The following SGCZ variants were observed in gnomAD, a reference collection of about 807,000 sequenced individuals.
SGCZ encodes zeta-sarcoglycan.
A neutral mutation model predicts 41.3 loss-of-function variants in SGCZ; 40 were observed. The ratio of observed to expected loss-of-function variants is 0.97; its 90% CI spans 0.75 to 1.26. The LOEUF is 1.26. SGCZ is among the 50% of genes most tolerant of loss of function. SGCZ has a pLI of 0.00. For missense variants in SGCZ, 552 were observed against 369.8 expected, an observed-to-expected ratio of 1.49 and a Z score of -4.04; for synonymous variants, 206 against 137.5, an observed-to-expected ratio of 1.50 and a Z score of -3.49.
At chr8:14,537,805 T>C (rs1803342620) in intron 2 of SGCZ, among the ~76,000 whole-genome samples, 1 of 151,958 alleles carries the variant, frequency 6.6e-6, no homozygotes, top group Non-Finnish European at 1.5e-5. Flanking sequence ...AAAGAGCTGT[T>C]ATACTTTCTA....
chr8:14,545,495 CT>C (rs1803598453), intron 2 of SGCZ, among the ~76,000 whole-genome samples: 1 of 150,794 alleles, frequency 6.6e-6, no homozygotes, highest in South Asian at 2.1e-4. Context: ...ACTTAAAATT[CT>C]TTTTCTAAAT....
In SGCZ at chr8:14,156,568, G is replaced by T. The variant is rs1803882165; in HGVS notation, c.547+8012C>A. ...ATTATGTAATTTTTAAAAACTTTTT[G>T]ACTCTTTTGCAAACACTTGGTTTAA... On this transcript the variant is annotated intron_variant, in intron 5 of 7. Transcript: ENST00000382080. Among the ~76,000 whole-genome samples, 4 of 152,088 alleles carry T rather than the reference G, an allele frequency of 2.6e-5. No individual in the cohort carries two copies. In the South Asian group the frequency reaches 8.3e-4, roughly 32 times the overall value.
At chr8:14,934,301 T>C (rs1480698) in intron 1 of SGCZ, among the ~76,000 whole-genome samples, 2 of 151,812 alleles carry the variant, frequency 1.3e-5, no homozygotes, top group South Asian at 2.1e-4. Context: ...GACTACTGTA[T>C]ATAAAATATA....
chr8:14,603,705 T>C (rs1485888124), intron 1 of SGCZ, among the ~76,000 whole-genome samples: 2 of 152,194 alleles, frequency 1.3e-5, no homozygotes, highest in East Asian at 3.8e-4. Flanking sequence ...TGATAGCAGT[T>C]ATCTGTTGTT....
intron 1 of SGCZ, among the ~76,000 whole-genome samples, chr8:14,998,642 G>T (rs1162163350): frequency 6.6e-6 from 1 of 152,174 alleles, no homozygotes; most frequent in African/African-American, 2.4e-5. Context: ...AAAGCAAGAA[G>T]AGGAATTTTA....
intron 1 of SGCZ, among the ~76,000 whole-genome samples, chr8:15,141,943 T>C (rs1233480809): frequency 6.6e-6 from 1 of 150,568 alleles, no homozygotes; most frequent in Non-Finnish European, 1.5e-5. Flanking sequence ...AAAAGATCTG[T>C]CAAATGCAGA....
At chr8:15,216,664 G>A (rs139428028) in intron 1 of SGCZ, among the ~76,000 whole-genome samples, 1 of 152,106 alleles carries the variant, frequency 6.6e-6, no homozygotes, top group Non-Finnish European at 1.5e-5. Context: ...AATATGGAAA[G>A]CATCTTGTTA....
intron 1 of SGCZ, among the ~76,000 whole-genome samples, chr8:15,052,884 A>G (rs1804565533): frequency 6.6e-6 from 1 of 152,134 alleles, no homozygotes. Flanking sequence ...TTGACCTAAT[A>G]TATTTATTCT....
chr8:15,203,911 G>A lies in SGCZ; in HGVS notation c.39+33674C>T, dbSNP rs528183547. ...TTTATTCTACTTTATGTGTTATATA[G>A]CTTTTGCCTCAAAACTAGTTTTTCT... On this transcript the variant is annotated intron_variant, in intron 1 of 7. Coordinates refer to ENST00000382080, the MANE Select transcript of SGCZ (RefSeq NM_139167.4). 1.5e-3 allele frequency among the ~76,000 whole-genome samples: 225 copies of A among 152,172 alleles called. 1 individual carries two copies. The highest frequency in any genetic ancestry group is 5.4e-3 in the African/African-American group (224 of 41,532).
intron 1 of SGCZ, among the ~76,000 whole-genome samples, chr8:14,832,109 C>G (rs1255837974): frequency 1.4e-4 from 21 of 152,042 alleles, no homozygotes; most frequent in Admixed American, 1.4e-3. Flanking sequence ...AATAGCAATG[C>G]CTTCTTAAGT....
At chr8:14,390,774 T>C (rs1804742791) in intron 2 of SGCZ, among the ~76,000 whole-genome samples, 1 of 152,064 alleles carries the variant, frequency 6.6e-6, no homozygotes, top group Non-Finnish European at 1.5e-5. Context: ...ATTGGCAGTA[T>C]ATTAGCAAAA....
At chr8:14,318,344 CA>C (rs768679288) in intron 3 of SGCZ, among the ~76,000 whole-genome samples, 4 of 151,872 alleles carry the variant, frequency 2.6e-5, no homozygotes, top group Admixed American at 6.6e-5. Flanking sequence ...CACGCTTTAA[CA>C]ATTACTTCTT....
intron 1 of SGCZ, among the ~76,000 whole-genome samples, chr8:14,936,389 T>C (rs1182469959): frequency 1.3e-5 from 2 of 151,936 alleles, no homozygotes; most frequent in Admixed American, 1.3e-4. Context: ...TTAGGCAAAA[T>C]CATGTAATAC....
chr8:14,974,501 C>T (rs1043701418), intron 1 of SGCZ, among the ~76,000 whole-genome samples: 1 of 152,130 alleles, frequency 6.6e-6, no homozygotes, highest in African/African-American at 2.4e-5. Context: ...CTTAGTGATT[C>T]CCAAACTGGC....
intron 1 of SGCZ, among the ~76,000 whole-genome samples, chr8:14,628,384 G>A (rs1806533820): frequency 6.6e-6 from 1 of 151,944 alleles, no homozygotes; most frequent in Admixed American, 6.6e-5. Context: ...GTGTTCTCCT[G>A]TTTCACCTAG....
At chr8:14,113,791 T>C (rs551101738) in intron 5 of SGCZ, among the ~76,000 whole-genome samples, 2 of 152,210 alleles carry the variant, frequency 1.3e-5, no homozygotes, top group South Asian at 2.1e-4. Flanking sequence ...CCAGTGTCTG[T>C]AGAAGTCAAG....
intron 5 of SGCZ, among the ~76,000 whole-genome samples, chr8:14,122,843 G>C (rs11988202): frequency 0.14 from 21,390 of 152,000 alleles, 1,546 homozygotes; most frequent in African/African-American, 0.18. Context: ...ACATCTTAAA[G>C]GTTTCTATTT....
At chr8:14,276,014 T>C (rs1312174326) in intron 3 of SGCZ, among the ~76,000 whole-genome samples, 1 of 152,192 alleles carries the variant, frequency 6.6e-6, no homozygotes, top group African/African-American at 2.4e-5. Context: ...GGGACATATA[T>C]CACCTTCTCC....
At chr8:14,824,585 C>T (rs4587337) in intron 1 of SGCZ, among the ~76,000 whole-genome samples, 23,126 of 151,714 alleles carry the variant, frequency 0.15, 2,480 homozygotes, top group East Asian at 0.29. Flanking sequence ...CTTTTAAAGC[C>T]TTCATTATTT....
Sources: gnomAD v4.1 joint callset for allele counts (sites outside exome capture counted in the v4.1 genomes callset) on GRCh38, gnomAD v4.1.1 for gene constraint, MANE v1.5 for transcripts, NCBI Gene and HGNC (gene_info 2026-07-23, HGNC 2026-07-21) for gene names.